The following ATXN7 variants were observed in gnomAD, a reference collection of about 807,000 sequenced individuals.
ATXN7 encodes the protein ataxin 7.
Under a neutral mutation model 70.5 loss-of-function variants are expected in ATXN7, and 12 were observed. The observed-to-expected ratio is 0.17, with a 90% CI of 0.11 to 0.28. The LOEUF is 0.28. Among genes scored for constraint, ATXN7 ranks in the 10% least tolerant of loss-of-function variants. The pLI, the probability that ATXN7 is intolerant of heterozygous loss-of-function variation, is 1.00. For synonymous variants in ATXN7, 498 were observed against 448.7 expected (o/e 1.11, Z -1.39); for missense variants, 1,256 against 1,131.7 (o/e 1.11, Z -1.58).
intron 4 of ATXN7, among the ~76,000 whole-genome samples, chr3:63,925,124 T>C (rs187605727): frequency 6.6e-6 from 1 of 152,322 alleles, no homozygotes; most frequent in African/African-American, 2.4e-5. Context: ...CAGGTAGGGA[T>C]GTAGAATTGT....
intron 5 of ATXN7, among the ~76,000 whole-genome samples, chr3:63,960,283 A>T (rs551173343): frequency 6.6e-6 from 1 of 152,268 alleles, no homozygotes; most frequent in Admixed American, 6.5e-5. Flanking sequence ...GCAAGGAGGA[A>T]AGGGGTCCAA....
At chr3:63,865,894 C>CAAAAAAAAAA (rs34205947) in intron 1 of ATXN7, among the ~76,000 whole-genome samples, 22 of 16,560 alleles carry the variant, frequency 1.3e-3, no homozygotes, top group African/African-American at 2.5e-3. Context: ...GACTCCATCT[C>CAAAAAAAAAA]AAAAAAAAAA....
intron 1 of ATXN7, among the ~76,000 whole-genome samples, chr3:63,875,057 C>A (rs1400078891): frequency 6.6e-6 from 1 of 152,082 alleles, no homozygotes; most frequent in African/African-American, 2.4e-5. Flanking sequence ...GACCTAATCA[C>A]CCTGCAGAAG....
At chr3:63,916,060 A>G (rs925779331) in intron 4 of ATXN7, among the ~76,000 whole-genome samples, 4 of 152,194 alleles carry the variant, frequency 2.6e-5, no homozygotes, top group Admixed American at 6.5e-5. Flanking sequence ...TTTTGGACCT[A>G]GGGGTTAGAA....
chr3:63,978,363 C>G (rs148634661), intron 5 of ATXN7, among the ~76,000 whole-genome samples: 78 of 152,254 alleles, frequency 5.1e-4, no homozygotes, highest in African/African-American at 1.8e-3. Context: ...CCATGCCTTA[C>G]AGAGAAAGAC....
At chr3:63,864,344 C>T (rs1702335827) in intron 1 of ATXN7, among the ~76,000 whole-genome samples, 186 bp downstream of exon 1, 1 of 151,920 alleles carries the variant, frequency 6.6e-6, no homozygotes, top group South Asian at 2.1e-4. Flanking sequence ...CGCCCGGATC[C>T]GGCTGAGCCC....
intron 1 of ATXN7, among the ~76,000 whole-genome samples, chr3:63,879,593 G>GC (rs1344529987): frequency 6.6e-6 from 1 of 151,190 alleles, no homozygotes; most frequent in African/African-American, 2.4e-5. Flanking sequence ...CTGGGTTCAA[G>GC]CGATTCTCCT....
rs1029978550 is a variant in ATXN7 at position 63,995,982 on chromosome 3, C to A, written c.2160C>A (p.Ser720=). 6.2e-7 allele frequency: 1 copy of A among 1,614,102 alleles called. No individual in the cohort carries two copies. Among genetic ancestry groups the A allele is most frequent in the Non-Finnish European group, 8.5e-7 (1 of 1,179,948 alleles). Reference sequence around the variant, plus strand: ...CACTGTTGGTTCACTCTTCCTCCTCCTCTTCCTCCTCCTCCTCTTCTTCTC... The same window carrying A: ...CACTGTTGGTTCACTCTTCCTCCTCATCTTCCTCCTCCTCCTCTTCTTCTC... The part of the protein sequence containing the change: ...SSPLLVHSSS[S]SSSSSSSSHS... The change falls in exon 12 of 13, where the codon TCC becomes TCA. Residue 720 remains serine, a synonymous_variant. Transcript: ENST00000674280.
rs1011041837 is a variant in ATXN7, at chr3:63,912,662, G to A, written c.64G>A (p.Gly22Arg). Residue 22 changes from glycine to arginine, a missense_variant, in exon 3 of 13, where the codon GGA becomes AGA. Physicochemically the swap from Gly to Arg is moderately radical, Grantham distance 125 (BLOSUM62 -2). Transcript: ENST00000674280. ...GCGCCGCGCGGCGGCGGCGGCGGGC[G>A]GAGCAGCGGCCGCGGCCGCCCGGCA... is the stretch of plus-strand genomic sequence containing the variant. Reference protein sequence around the residue: ...EPRRAAAAAGGAAAAAARQQQ... With the variant: ...EPRRAAAAAGRAAAAAARQQQ... 8.6e-6 allele frequency: 9 copies of A among 1,047,392 alleles called. No individual in the cohort carries two copies. The highest frequency in any genetic ancestry group is 5.2e-5 in the African/African-American group (3 of 57,586). 64.9% of individuals were successfully genotyped at this position (1,047,392 alleles called of 1,614,324 possible).
chr3:63,968,812 C>CAATT (rs2075267312), intron 5 of ATXN7, among the ~76,000 whole-genome samples: 1 of 152,132 alleles, frequency 6.6e-6, no homozygotes, highest in Admixed American at 6.5e-5. Context: ...AGTGAGGTGT[C>CAATT]AATTGAGTTC....
chr3:63,989,117 C>T (rs1373057347), intron 9 of ATXN7, among the ~76,000 whole-genome samples: 1 of 152,162 alleles, frequency 6.6e-6, no homozygotes, highest in Admixed American at 6.5e-5. Flanking sequence ...AAGCATCTCC[C>T]TCGTGGAAAC....
intron 4 of ATXN7, among the ~76,000 whole-genome samples, chr3:63,940,285 TCACACA>T (rs34660611): frequency 0.13 from 18,118 of 141,418 alleles, 1,233 homozygotes; most frequent in East Asian, 0.33. Flanking sequence ...CCATGCCCCA[TCACACA>T]CACACACACA....
At chr3:63,956,493 C>T (rs533378996) in intron 5 of ATXN7, among the ~76,000 whole-genome samples, 3 of 147,898 alleles carry the variant, frequency 2.0e-5, no homozygotes, top group East Asian at 2.0e-4. Flanking sequence ...AAATATAATT[C>T]GAATCAGTGG....
At chr3:63,948,587 G>A (rs576685861) in intron 4 of ATXN7, among the ~76,000 whole-genome samples, 1 of 152,256 alleles carries the variant, frequency 6.6e-6, no homozygotes, top group African/African-American at 2.4e-5. Context: ...AGGTTTTCTT[G>A]TTACTGAACA....
At chr3:63,910,432 A>G (rs1264110089) in intron 2 of ATXN7, among the ~76,000 whole-genome samples, 1 of 152,236 alleles carries the variant, frequency 6.6e-6, no homozygotes, top group African/African-American at 2.4e-5. Flanking sequence ...TAAGTGTAGA[A>G]TTTCACAATT....
chr3:63,887,583 A>C (rs988790384), intron 1 of ATXN7, among the ~76,000 whole-genome samples: 9 of 151,862 alleles, frequency 5.9e-5, no homozygotes, highest in African/African-American at 9.7e-5. Flanking sequence ...TTTATTATTT[A>C]TTTTATTTTA....
intron 2 of ATXN7, among the ~76,000 whole-genome samples, chr3:63,909,228 T>C (rs1703936678): frequency 6.6e-6 from 1 of 152,240 alleles, no homozygotes; most frequent in South Asian, 2.1e-4. Context: ...CTGATTGATA[T>C]TATACAGGCA....
At chr3:63,967,201 G>A (rs1423355977) in intron 5 of ATXN7, among the ~76,000 whole-genome samples, 2 of 152,166 alleles carry the variant, frequency 1.3e-5, no homozygotes, top group East Asian at 3.8e-4. Flanking sequence ...TTTCAAGGGG[G>A]CACTCAGTGA....
intron 10 of ATXN7, 79 bp downstream of exon 10, chr3:63,990,453 C>T: frequency 2.6e-6 from 4 of 1,535,988 alleles, no homozygotes; most frequent in Non-Finnish European, 3.6e-6. Context: ...CGCCAGGGAT[C>T]TTGGCATGCC....
Sources: gnomAD v4.1 joint callset for allele counts (sites outside exome capture counted in the v4.1 genomes callset) on GRCh38, gnomAD v4.1.1 for gene constraint, MANE v1.5 for transcripts, NCBI Gene and HGNC (gene_info 2026-07-23, HGNC 2026-07-21) for gene names.